MCU: variants seen among roughly 807,000 people sequenced by gnomAD.
MCU encodes the protein calcium uniporter protein, mitochondrial.
MCU carries 12 observed loss-of-function variants against 45.2 expected under a neutral mutation model. The observed-to-expected ratio is 0.27, with a 90% CI of 0.17 to 0.43. MCU has a LOEUF of 0.43. Ranked by LOEUF, MCU falls within the 20% of genes least tolerant of loss-of-function variation. MCU has a pLI of 1.00. For synonymous variants in MCU, 160 were observed against 165.1 expected (o/e 0.97, Z 0.24); for missense variants, 324 against 436.7 (o/e 0.74, Z 2.30).
intron 1 of MCU, among the ~76,000 whole-genome samples, chr10:72,695,434 C>A (rs1289926143): frequency 1.3e-5 from 2 of 152,162 alleles, no homozygotes; most frequent in African/African-American, 4.8e-5. Flanking sequence ...CAGATTCATC[C>A]CAGCACAAAT....
At chr10:72,757,438 C>G (rs1843594539) in intron 1 of MCU, among the ~76,000 whole-genome samples, 1 of 152,160 alleles carries the variant, frequency 6.6e-6, no homozygotes, top group South Asian at 2.1e-4. Flanking sequence ...AACCCCCACC[C>G]AAAGAACATA....
intron 1 of MCU, among the ~76,000 whole-genome samples, chr10:72,823,782 C>T (rs576380056): frequency 6.6e-6 from 1 of 152,188 alleles, no homozygotes; most frequent in East Asian, 1.9e-4. Flanking sequence ...GACTTAGGGC[C>T]AGCACAGTGC....
chr10:72,732,887 A>C (rs1482022455), intron 1 of MCU, among the ~76,000 whole-genome samples: 1 of 152,242 alleles, frequency 6.6e-6, no homozygotes, highest in Non-Finnish European at 1.5e-5. Flanking sequence ...GATAGGCAAG[A>C]GCATCCATGA....
intron 3 of MCU, among the ~76,000 whole-genome samples, chr10:72,859,775 T>C (rs947571099): frequency 4.6e-5 from 7 of 152,298 alleles, no homozygotes; most frequent in African/African-American, 1.7e-4. Context: ...CACTAAAAAT[T>C]ACCATTTTAT....
chr10:72,741,811 G>A (rs74853006), intron 1 of MCU, among the ~76,000 whole-genome samples: 5 of 152,034 alleles, frequency 3.3e-5, no homozygotes, highest in East Asian at 3.9e-4. Flanking sequence ...GGTGGATCAC[G>A]ACATCAGGAG....
intron 1 of MCU, among the ~76,000 whole-genome samples, chr10:72,748,030 T>G (rs1843438872): frequency 2.0e-5 from 3 of 151,890 alleles, no homozygotes. Flanking sequence ...TACTTAATCT[T>G]CAAGAGTCTT....
chr10:72,867,130 A>G (rs867283087), intron 4 of MCU, among the ~76,000 whole-genome samples: 1 of 150,702 alleles, frequency 6.6e-6, no homozygotes, highest in African/African-American at 2.4e-5. Flanking sequence ...TGCTACCTTC[A>G]TCTGAATTTT....
chr10:72,859,438 A>G, intron 3 of MCU, 91 bp downstream of exon 3: 1 of 1,250,400 alleles, frequency 8.0e-7, no homozygotes, highest in African/African-American at 1.5e-5. Context: ...ACGTAGCTAC[A>G]AAAGAACCCT....
intron 2 of MCU, among the ~76,000 whole-genome samples, chr10:72,847,942 A>G (rs369975574): frequency 2.0e-5 from 3 of 152,336 alleles, no homozygotes; most frequent in African/African-American, 7.2e-5. Flanking sequence ...TGATATGATG[A>G]CCGGCTTCCC....
In MCU at chr10:72,859,226, A is replaced by G. The variant is rs920009736; in HGVS notation, c.270A>G (p.Leu90=). 4 of 1,612,290 alleles carry G rather than the reference A, an allele frequency of 2.5e-6. No homozygotes were observed. The highest frequency in any genetic ancestry group is 3.4e-6 in the Non-Finnish European group (4 of 1,179,328). ...GGTTACCTGTGATATCTGTGAGGCTACCATCCCGGCGTGAACGCTGTCAGT... is the reference window on the plus strand; with the variant it reads ...GGTTACCTGTGATATCTGTGAGGCTGCCATCCCGGCGTGAACGCTGTCAGT... ...QNGLPVISVR[L]PSRRERCQFT... is the part of the protein sequence containing the mutation. The change falls in exon 3 of 8, where the codon CTA becomes CTG. Residue 90 remains leucine (L), a synonymous_variant. Transcript: ENST00000373053.
chr10:72,809,538 G>A (rs529304460), intron 1 of MCU, among the ~76,000 whole-genome samples: 2 of 152,208 alleles, frequency 1.3e-5, no homozygotes, highest in African/African-American at 2.4e-5. Flanking sequence ...AATTGAAATC[G>A]GAAACATTGG....
intron 1 of MCU, among the ~76,000 whole-genome samples, chr10:72,793,024 G>A (rs1458310175): frequency 1.3e-5 from 2 of 151,964 alleles, no homozygotes; most frequent in East Asian, 1.9e-4. Context: ...GATTACAGGC[G>A]CATGCCACCA....
rs181721043 is a variant in MCU, at chr10:72,796,623, C to G, written c.151-37736C>G. Among the ~76,000 whole-genome samples the G allele has an allele frequency of 4.6e-5, 7 of 152,120 alleles. No homozygotes were observed. In the East Asian group the frequency reaches 1.3e-3, roughly 29 times the overall value. On this transcript the variant is annotated intron_variant, in intron 1 of 7. Transcript: ENST00000373053. ...CATCCTCCTAGGTTCAGGTGATCCT[C>G]CTGCCTCAGCCTGCCGAGTAGGTAG...
intron 1 of MCU, among the ~76,000 whole-genome samples, chr10:72,805,135 C>CTTTCTTTCT (rs1366222706): frequency 2.9e-5 from 4 of 138,582 alleles, no homozygotes; most frequent in African/African-American, 1.2e-4. Context: ...TTCTTTCTTT[C>CTTTCTTTCT]TTTCTTTCTT....
At chr10:72,838,545 A>C (rs553786689) in intron 2 of MCU, among the ~76,000 whole-genome samples, 2 of 152,230 alleles carry the variant, frequency 1.3e-5, no homozygotes, top group South Asian at 4.1e-4. Context: ...CAAGGAGGTC[A>C]AGGCTGCAAT....
At chr10:72,724,765 A>G (rs1364961085) in intron 1 of MCU, among the ~76,000 whole-genome samples, 4 of 152,210 alleles carry the variant, frequency 2.6e-5, no homozygotes, top group South Asian at 4.1e-4. Context: ...ATTTTCTCTT[A>G]TTAGATCAGC....
chr10:72,742,022 C>CAAAAAAAAAAAAAAAA (rs59028044), intron 1 of MCU, among the ~76,000 whole-genome samples: 1 of 72,888 alleles, frequency 1.4e-5, no homozygotes, highest in African/African-American at 5.6e-5. Flanking sequence ...GACTCCGTCT[C>CAAAAAAAAAAAAAAAA]AAAAAAAAAA....
intron 1 of MCU, among the ~76,000 whole-genome samples, chr10:72,792,828 T>C (rs1256298498): frequency 6.6e-6 from 1 of 151,894 alleles, no homozygotes; most frequent in Non-Finnish European, 1.5e-5. Flanking sequence ...CAGTGCATTA[T>C]AGGGCTAGTG....
chr10:72,781,634 G>A (rs1843995450), intron 1 of MCU, among the ~76,000 whole-genome samples: 1 of 152,342 alleles, frequency 6.6e-6, no homozygotes, highest in African/African-American at 2.4e-5. Flanking sequence ...TTGTTTTCCT[G>A]AGAATCAGTT....
Sources: allele counts gnomAD v4.1 joint callset (sites outside exome capture counted in the v4.1 genomes callset), GRCh38; gene constraint gnomAD v4.1.1; transcripts MANE v1.5; gene names NCBI Gene and HGNC (gene_info 2026-07-23, HGNC 2026-07-21).